MEGF9: variants seen among roughly 807,000 people sequenced by gnomAD.
The protein encoded by MEGF9 is multiple EGF like domains 9, also known as multiple epidermal growth factor-like domains protein 9.
MEGF9 carries 6 observed loss-of-function variants against 46.8 expected under a neutral mutation model. The observed-to-expected ratio is 0.13, with a 90% CI of 0.07 to 0.25. The LOEUF (loss-of-function observed/expected upper bound fraction) is 0.25. MEGF9 is among the 10% of genes least tolerant of loss of function. The pLI is 1.00. For synonymous variants in MEGF9, 302 were observed against 330.7 expected (o/e 0.91, Z 0.94); for missense variants, 683 against 792.4 (o/e 0.86, Z 1.66).
chr9:120,657,613 A>G (rs1399354668), intron 2 of MEGF9, among the ~76,000 whole-genome samples: 1 of 152,206 alleles, frequency 6.6e-6, no homozygotes, highest in African/African-American at 2.4e-5. Flanking sequence ...AAACTTAACA[A>G]TGGCTTATCT....
At chr9:120,701,127 G>GAA (rs201333674) in intron 1 of MEGF9, among the ~76,000 whole-genome samples, 4 of 110,916 alleles carry the variant, frequency 3.6e-5, no homozygotes, top group African/African-American at 9.8e-5. Context: ...TCAAAAAAAA[G>GAA]AAAAAAAAAA....
At chr9:120,701,486 C>A (rs1437954739) in intron 1 of MEGF9, among the ~76,000 whole-genome samples, 3 of 152,152 alleles carry the variant, frequency 2.0e-5, no homozygotes, top group Non-Finnish European at 2.9e-5. Context: ...TTTTCCCTTC[C>A]CTTAATGCTT....
Position 120,713,879 on chromosome 9 carries a change from T to G in MEGF9, c.480A>C (p.Val160=). 7.6e-7 allele frequency: 1 copy of G among 1,315,558 alleles called. No individual in the cohort carries two copies. Among genetic ancestry groups the G allele is most frequent in the Non-Finnish European group, 9.7e-7 (1 of 1,029,610 alleles). 81.5% of individuals were successfully genotyped at this position (1,315,558 alleles called of 1,614,324 possible). A position where few individuals can be genotyped will look rare whatever the true frequency, so the allele number is the denominator to read the frequency against. ...TCGTGGGCGCCGGTACGGTGGTCGC[T>G]ACAGGGGTGGTCGGCGCCGGGCCAG... is the stretch of plus-strand genomic sequence containing the variant. ...TTTGPAPTTP[V]ATTVPAPTTP... Residue 160 remains valine (V), a synonymous_variant, in exon 1 of 6, where the codon GTA becomes GTC. Transcript: ENST00000373930.
intron 1 of MEGF9, among the ~76,000 whole-genome samples, chr9:120,667,933 G>A (rs1312503405): frequency 1.3e-5 from 2 of 152,218 alleles, no homozygotes; most frequent in African/African-American, 4.8e-5. Context: ...GCTGAGGCAG[G>A]AGAATCGCTT....
At chr9:120,710,776 T>C (rs2043949499) in intron 1 of MEGF9, among the ~76,000 whole-genome samples, 1 of 152,224 alleles carries the variant, frequency 6.6e-6, no homozygotes, top group African/African-American at 2.4e-5. Flanking sequence ...TTGTCTCAAA[T>C]TCAATTATAA....
At chr9:120,657,478 A>C (rs2043682211) in intron 2 of MEGF9, among the ~76,000 whole-genome samples, 1 of 152,104 alleles carries the variant, frequency 6.6e-6, no homozygotes, top group Admixed American at 6.5e-5. Context: ...TCCTTCCTTT[A>C]TTTCTTTCTC....
chr9:120,612,681 G>A, intron 3 of MEGF9, 142 bp from the exon 4 acceptor site: 1 of 682,900 alleles, frequency 1.5e-6, no homozygotes, highest in Non-Finnish European at 2.4e-6. Flanking sequence ...TACCCCACCT[G>A]ATTTCTATAC....
At chr9:120,651,108 T>C (rs1371315512) in intron 2 of MEGF9, among the ~76,000 whole-genome samples, 2 of 152,212 alleles carry the variant, frequency 1.3e-5, no homozygotes, top group Non-Finnish European at 2.9e-5. Flanking sequence ...ATAACAGATA[T>C]TGCAATTGGT....
intron 1 of MEGF9, among the ~76,000 whole-genome samples, chr9:120,689,024 A>G (rs116542610): frequency 0.016 from 2,496 of 152,360 alleles, 60 homozygotes; most frequent in African/African-American, 0.056. Flanking sequence ...TGGAGATACA[A>G]CAATGAGAAA....
chr9:120,637,416 C>A (rs2132311565), intron 2 of MEGF9, among the ~76,000 whole-genome samples: 1 of 146,726 alleles, frequency 6.8e-6, no homozygotes, highest in African/African-American at 2.5e-5. Flanking sequence ...CAAGAATGAT[C>A]AATAAATACT....
chr9:120,612,600 A>C (rs2043454028), intron 3 of MEGF9, 61 bp from the exon 4 acceptor site: 11 of 1,458,696 alleles, frequency 7.5e-6, no homozygotes, highest in Non-Finnish European at 9.3e-6. Context: ...AGTAACTTTC[A>C]AAAATCATGC....
intron 2 of MEGF9, among the ~76,000 whole-genome samples, chr9:120,645,629 G>C (rs1483095674): frequency 1.3e-5 from 2 of 152,150 alleles, no homozygotes; most frequent in African/African-American, 4.8e-5. Flanking sequence ...AGAGGAGAGA[G>C]TACTTGACTT....
chr9:120,703,985 G>C (rs553259363), intron 1 of MEGF9, among the ~76,000 whole-genome samples: 1 of 147,866 alleles, frequency 6.8e-6, no homozygotes, highest in Non-Finnish European at 1.5e-5. Flanking sequence ...AAAAAAAAAA[G>C]ATAATGCCAA....
chr9:120,658,384 A>G (rs2043687055), intron 2 of MEGF9, among the ~76,000 whole-genome samples: 2 of 152,228 alleles, frequency 1.3e-5, no homozygotes, highest in Non-Finnish European at 2.9e-5. Context: ...TAAAGTATAA[A>G]GCACTTCTTT....
chr9:120,674,044 T>C (rs993048408), intron 1 of MEGF9, among the ~76,000 whole-genome samples: 5 of 151,720 alleles, frequency 3.3e-5, no homozygotes, highest in Non-Finnish European at 5.9e-5. Flanking sequence ...ATAACACTTC[T>C]AGAAGAAAAC....
chr9:120,668,524 T>C (rs1036189448), intron 1 of MEGF9, among the ~76,000 whole-genome samples: 2 of 152,238 alleles, frequency 1.3e-5, no homozygotes, highest in South Asian at 4.1e-4. Flanking sequence ...CCAGGTTTTG[T>C]AGAAAATTTT....
chr9:120,684,991 C>T (rs544353706), intron 1 of MEGF9, among the ~76,000 whole-genome samples: 47 of 152,260 alleles, frequency 3.1e-4, no homozygotes, highest in African/African-American at 1.0e-3. Context: ...CCCACCACCA[C>T]GCCCAGCTAA....
chr9:120,614,585 T>C (rs2043463082), intron 3 of MEGF9, among the ~76,000 whole-genome samples: 1 of 152,086 alleles, frequency 6.6e-6, no homozygotes. Context: ...AAAAAACAGC[T>C]GAAAAATACA....
intron 2 of MEGF9, among the ~76,000 whole-genome samples, chr9:120,631,785 C>T (rs2043551855): frequency 6.6e-6 from 1 of 151,978 alleles, no homozygotes; most frequent in Non-Finnish European, 1.5e-5. Flanking sequence ...GTGCCCGGCC[C>T]TGTATTTTCT....
Sources: allele counts gnomAD v4.1 joint callset (sites outside exome capture counted in the v4.1 genomes callset), GRCh38; gene constraint gnomAD v4.1.1; transcripts MANE v1.5; gene names NCBI Gene and HGNC (gene_info 2026-07-23, HGNC 2026-07-21).